The following ITPR2 variants were observed in gnomAD, a reference collection of about 807,000 sequenced individuals.
The protein encoded by ITPR2 is inositol 1,4,5-trisphosphate receptor type 2.
Under a neutral mutation model 317.1 loss-of-function variants are expected in ITPR2, and 207 were observed. The ratio of observed to expected loss-of-function variants is 0.65; its 90% CI spans 0.58 to 0.73. ITPR2 has a LOEUF of 0.73. Among genes scored for constraint, ITPR2 ranks in the 30% least tolerant of loss-of-function variants. The probability of loss-of-function intolerance (pLI) is 0.00; values close to 1 mark genes in which losing one functional copy is unlikely to be tolerated. For missense variants in ITPR2, 2,613 were observed against 3,284.0 expected (o/e 0.80, Z 4.99); for synonymous variants, 1,156 against 1,149.1 (o/e 1.01, Z -0.12).
intron 37 of ITPR2, among the ~76,000 whole-genome samples, chr12:26,540,431 C>G (rs1944226061): frequency 6.6e-6 from 1 of 152,120 alleles, no homozygotes; most frequent in Middle Eastern, 3.4e-3. Context: ...CCTTTTAGTT[C>G]CTTATTCTCT....
At chr12:26,511,380 C>A (rs535156027) in intron 37 of ITPR2, among the ~76,000 whole-genome samples, 8 of 152,362 alleles carry the variant, frequency 5.3e-5, no homozygotes, top group Admixed American at 2.6e-4. Flanking sequence ...GTACTCTGGA[C>A]TTCTCCTTCA....
intron 2 of ITPR2, among the ~76,000 whole-genome samples, chr12:26,740,576 T>C (rs765010333): frequency 6.6e-5 from 10 of 152,204 alleles, no homozygotes; most frequent in Non-Finnish European, 1.5e-4. Context: ...TCAACAAATC[T>C]ATACAATGCT....
intron 1 of ITPR2, among the ~76,000 whole-genome samples, 154 bp downstream of exon 1, chr12:26,832,536 G>C (rs1334742738): frequency 6.6e-6 from 1 of 152,226 alleles, no homozygotes; most frequent in Non-Finnish European, 1.5e-5. Context: ...GGGCGAGCGA[G>C]AGAGCGGAGC....
chr12:26,670,363 A>G (rs1947737076), intron 13 of ITPR2, among the ~76,000 whole-genome samples: 2 of 152,180 alleles, frequency 1.3e-5, no homozygotes, highest in African/African-American at 4.8e-5. Flanking sequence ...TTCCAGAGGA[A>G]CGATCAGACA....
chr12:26,387,094 G>A (rs1348816464), intron 55 of ITPR2, among the ~76,000 whole-genome samples: 7 of 152,186 alleles, frequency 4.6e-5, no homozygotes, highest in Middle Eastern at 3.4e-3. Context: ...TTTAACAATG[G>A]GAAAGTTCCA....
intron 45 of ITPR2, among the ~76,000 whole-genome samples, chr12:26,461,065 C>T (rs1464728917): frequency 2.6e-5 from 4 of 152,166 alleles, no homozygotes; most frequent in Non-Finnish European, 4.4e-5. Context: ...CTTCCACTGT[C>T]CATAGAATGC....
At chr12:26,746,442 T>C (rs1333652686) in intron 2 of ITPR2, among the ~76,000 whole-genome samples, 1 of 152,178 alleles carries the variant, frequency 6.6e-6, no homozygotes, top group Non-Finnish European at 1.5e-5. Flanking sequence ...AACCTGACAA[T>C]TTGCCACTCT....
Position 26,494,312 on chromosome 12 carries a change from C to G in ITPR2, c.5211G>C (p.Lys1737Asn). 6.2e-7 allele frequency: 1 copy of G among 1,610,132 alleles called. No individual in the cohort carries two copies. The highest frequency in any genetic ancestry group is 2.2e-5 in the East Asian group (1 of 44,452). The part of the protein sequence containing the change: ...GGSFSGQDSD[K>N]MGISMSDIQC... ...GAATGTCTGACATTGATATCCCCAT[C>G]TTATCTGAATCTTGTCCAGAAAAGC... The change falls in exon 39 of 57, where the codon AAG (lysine) becomes AAC (asparagine). Residue 1737 changes from lysine (K) to asparagine (N), a missense_variant. Around this residue, in one of 9 missense-constraint regions of ITPR2, gnomAD observed 926 missense variants for 1,072.8 expected, o/e 0.86. Coordinates refer to ENST00000381340, the MANE Select transcript of ITPR2 (RefSeq NM_002223.4).
rs1942688697 is a variant in ITPR2, at chr12:26,487,104, C to T, written c.5518G>A (p.Asp1840Asn). ...IDLGNKKRDDDNELMTSGPRM... is the reference protein window; with the variant it reads ...IDLGNKKRDDNNELMTSGPRM... ...GGACCAGATGTCATCAATTCATTGT[C>T]ATCGTCCCTTTTTTTGTTACCTAAA... Residue 1840 changes from aspartate (D) to asparagine (N), a missense_variant, in exon 40 of 57, where the codon GAC (aspartate) becomes AAC (asparagine). Asp to Asn is a conservative substitution (Grantham distance 23, BLOSUM62 1). Coordinates refer to ENST00000381340, the MANE Select transcript of ITPR2 (RefSeq NM_002223.4). The T allele has an allele frequency of 1.2e-6, 2 of 1,612,230 alleles. No individual in the cohort carries two copies. Among genetic ancestry groups the T allele is most frequent in the Admixed American group, 3.4e-5 (2 of 59,550 alleles).
At chr12:26,691,566 T>C (rs1948241255) in intron 10 of ITPR2, among the ~76,000 whole-genome samples, 1 of 152,092 alleles carries the variant, frequency 6.6e-6, no homozygotes, top group Non-Finnish European at 1.5e-5. Context: ...ACATAGCCTC[T>C]CAAGTTGTAC....
chr12:26,785,425 A>T (rs1592129696), intron 2 of ITPR2, among the ~76,000 whole-genome samples: 1 of 62,816 alleles, frequency 1.6e-5, no homozygotes, highest in African/African-American at 4.9e-5. Flanking sequence ...TCCAGGAGGG[A>T]GGTGGGGGGG....
chr12:26,498,452 C>T (rs533158173), intron 37 of ITPR2, among the ~76,000 whole-genome samples: 3 of 152,304 alleles, frequency 2.0e-5, no homozygotes, highest in South Asian at 2.1e-4. Flanking sequence ...TTGGAGTCAA[C>T]GCCTTTGGGT....
intron 2 of ITPR2, among the ~76,000 whole-genome samples, chr12:26,782,795 T>C (rs1950120046): frequency 6.6e-6 from 1 of 152,238 alleles, no homozygotes; most frequent in African/African-American, 2.4e-5. Flanking sequence ...TCTTAGTTGA[T>C]TTCAAATCTG....
At chr12:26,579,942 G>A (rs1277016844) in intron 33 of ITPR2, 85 bp downstream of exon 33, 2 of 1,042,060 alleles carry the variant, frequency 1.9e-6, no homozygotes, top group Non-Finnish European at 2.8e-6. Context: ...AAGTGTAGGA[G>A]ATGACTTCCT....
At chr12:26,482,716 CCT>C (rs1942571804) in intron 42 of ITPR2, among the ~76,000 whole-genome samples, 1 of 152,170 alleles carries the variant, frequency 6.6e-6, no homozygotes. Flanking sequence ...CCAAAACTGT[CCT>C]GTTTTCATTG....
At chr12:26,736,444 A>G (rs1949119093) in intron 2 of ITPR2, among the ~76,000 whole-genome samples, 1 of 152,212 alleles carries the variant, frequency 6.6e-6, no homozygotes, top group African/African-American at 2.4e-5. Context: ...ACATAAATAT[A>G]AGGTCAGAAA....
intron 1 of ITPR2, among the ~76,000 whole-genome samples, chr12:26,814,986 G>T (rs1950825518): frequency 6.6e-6 from 1 of 152,178 alleles, no homozygotes; most frequent in South Asian, 2.1e-4. Flanking sequence ...ATCCAAACTA[G>T]ATAAGTGTTT....
chr12:26,441,594 G>A (rs1282241927), intron 46 of ITPR2, among the ~76,000 whole-genome samples: 1 of 152,198 alleles, frequency 6.6e-6, no homozygotes, highest in African/African-American at 2.4e-5. Context: ...GGTCATGTGA[G>A]CTGGCTTCAG....
At chr12:26,676,283 C>G (rs1434326135) in intron 13 of ITPR2, among the ~76,000 whole-genome samples, 28 of 152,096 alleles carry the variant, frequency 1.8e-4, no homozygotes, top group Admixed American at 1.8e-3. Flanking sequence ...TCGAGACCAT[C>G]CTGGCTAACA....
Sources: allele counts gnomAD v4.1 joint callset (sites outside exome capture counted in the v4.1 genomes callset), GRCh38; gene constraint gnomAD v4.1.1; regional missense constraint gnomAD v4.1.1; transcripts MANE v1.5; gene names NCBI Gene and HGNC (gene_info 2026-07-23, HGNC 2026-07-21).